The following RPRD1B variants were observed in gnomAD, a reference collection of about 807,000 sequenced individuals.
RPRD1B encodes regulation of nuclear pre-mRNA domain-containing protein 1B.
In RPRD1B, 11 loss-of-function variants were observed where a neutral mutation model predicts 41.5. The observed-to-expected ratio is 0.27, with a 90% CI of 0.17 to 0.44. The LOEUF is 0.44. RPRD1B is among the 20% of genes least tolerant of loss of function. RPRD1B has a pLI of 1.00. For synonymous variants in RPRD1B, 158 were observed against 155.6 expected (o/e 1.02, Z -0.12); for missense variants, 248 against 389.9 (o/e 0.64, Z 3.06).
In RPRD1B at chr20:38,064,813, G is replaced by A. The variant is rs1020385693; in HGVS notation, c.656-1268G>A. ...ATCCTGGCTAACACAGTGAAACCTC[G>A]TCTCTACTAAAAATACAAAAAAATT... On this transcript the variant is annotated intron_variant, in intron 5 of 6. Coordinates refer to ENST00000373433, the MANE Select transcript of RPRD1B (RefSeq NM_021215.4). Among the ~76,000 whole-genome samples, 8 of 152,062 alleles carry A rather than the reference G, an allele frequency of 5.3e-5. No homozygotes were observed. The East Asian group carries it at 7.7e-4, about 15-fold the overall frequency.
intron 6 of RPRD1B, among the ~76,000 whole-genome samples, chr20:38,088,508 T>G (rs2074582923): frequency 6.6e-6 from 1 of 152,014 alleles, no homozygotes; most frequent in Non-Finnish European, 1.5e-5. Context: ...GCTTTCTAAG[T>G]CAGCAGGGGC....
chr20:38,062,565 C>G (rs1392821970), intron 5 of RPRD1B, among the ~76,000 whole-genome samples: 1 of 152,110 alleles, frequency 6.6e-6, no homozygotes, highest in African/African-American at 2.4e-5. Flanking sequence ...CCTCATCATT[C>G]CTGTTGATTG....
At chr20:38,072,865 G>A (rs1370645453) in intron 6 of RPRD1B, among the ~76,000 whole-genome samples, 4 of 152,140 alleles carry the variant, frequency 2.6e-5, no homozygotes, top group Non-Finnish European at 4.4e-5. Flanking sequence ...AGTCACCAGG[G>A]CACAGTCACA....
At chr20:38,037,265 CCTT>C (rs2074013221) in intron 1 of RPRD1B, among the ~76,000 whole-genome samples, 1 of 152,128 alleles carries the variant, frequency 6.6e-6, no homozygotes, top group Non-Finnish European at 1.5e-5. Context: ...GAACGTCTCC[CCTT>C]CTTTATGGAC....
intron 6 of RPRD1B, among the ~76,000 whole-genome samples, chr20:38,079,313 T>G (rs566617543): frequency 6.6e-6 from 1 of 152,164 alleles, no homozygotes; most frequent in African/African-American, 2.4e-5. Flanking sequence ...TTAACATGGG[T>G]ACATTGTGTG....
At chr20:38,051,987 G>T (rs1030824414) in intron 3 of RPRD1B, among the ~76,000 whole-genome samples, 1 of 152,168 alleles carries the variant, frequency 6.6e-6, no homozygotes, top group African/African-American at 2.4e-5. Flanking sequence ...CCAACCTCAG[G>T]TGATCCGCCC....
In RPRD1B at chr20:38,081,130, G is replaced by A. The variant is rs560275210; in HGVS notation, c.832-8596G>A. Among the ~76,000 whole-genome samples, 12 of 152,286 alleles carry A rather than the reference G, an allele frequency of 7.9e-5. No homozygotes were observed. In the East Asian group the frequency reaches 1.7e-3, roughly 22 times the overall value. ...TGTCTTTGGTAGTTTGATAGGAATA[G>A]CATTGAATCTGTACATTGCTTTGGG... On this transcript the variant is annotated intron_variant, in intron 6 of 6. Coordinates refer to ENST00000373433, the MANE Select transcript of RPRD1B (RefSeq NM_021215.4).
intron 3 of RPRD1B, among the ~76,000 whole-genome samples, chr20:38,052,418 G>A (rs916867505): frequency 6.6e-6 from 1 of 152,194 alleles, no homozygotes; most frequent in Non-Finnish European, 1.5e-5. Context: ...TCAGTTCAGT[G>A]AGATGATAAG....
chr20:38,070,270 A>G (rs1418519713), intron 6 of RPRD1B: 7 of 985,296 alleles, frequency 7.1e-6, no homozygotes, highest in African/African-American at 5.2e-5. Context: ...CTTAAACACC[A>G]GGCAAGGGTG....
At chr20:38,068,771 C>T (rs558289876) in intron 6 of RPRD1B, among the ~76,000 whole-genome samples, 2 of 152,318 alleles carry the variant, frequency 1.3e-5, no homozygotes, top group South Asian at 2.1e-4. Context: ...TAGACTGGTC[C>T]TGTCCCATCA....
At chr20:38,057,473 C>CGGGGGGGGCTTCATCTT in intron 3 of RPRD1B, 59 bp from the exon 4 acceptor site, 1 of 1,179,180 alleles carries the variant, frequency 8.5e-7, no homozygotes, top group Non-Finnish European at 1.3e-6. Flanking sequence ...TTGTGCATAG[C>CGGGGGGGGCTTCATCTT]ATGTGACTTA....
At chr20:38,035,978 A>T (rs1600672539) in intron 1 of RPRD1B, among the ~76,000 whole-genome samples, 2 of 151,904 alleles carry the variant, frequency 1.3e-5, no homozygotes, top group African/African-American at 2.4e-5. Context: ...GTTAGCCAGG[A>T]TGGTCTTGAT....
Position 38,034,103 on chromosome 20 carries a change from A to G in RPRD1B, c.151+5A>G, listed in dbSNP as rs372670028. 6.2e-7 allele frequency: 1 copy of G among 1,612,124 alleles called. No individual in the cohort carries two copies. The highest frequency in any genetic ancestry group is 1.3e-5 in the African/African-American group (1 of 74,914). ...GGCACCGCGAGCTCCGCAAAGGTAAACACCAAATCCCCACCCCCTGGACGG... is the reference window on the plus strand; with the variant it reads ...GGCACCGCGAGCTCCGCAAAGGTAAGCACCAAATCCCCACCCCCTGGACGG... On this transcript the variant is annotated splice_donor_5th_base_variant and intron_variant, in intron 1 of 6. Coordinates refer to ENST00000373433, the MANE Select transcript of RPRD1B (RefSeq NM_021215.4).
chr20:38,056,403 TAAAA>T (rs2074241839), intron 3 of RPRD1B, among the ~76,000 whole-genome samples: 1 of 151,496 alleles, frequency 6.6e-6, no homozygotes, highest in African/African-American at 2.4e-5. Context: ...AAAAAAAAAA[TAAAA>T]ATAAAACTCA....
At chr20:38,048,682 C>T (rs1461677926) in intron 3 of RPRD1B, 2 of 763,664 alleles carry the variant, frequency 2.6e-6, no homozygotes, top group Non-Finnish European at 3.2e-6. Flanking sequence ...TATTCATCCT[C>T]TCACACCCTG....
At chr20:38,086,783 C>T (rs891586894) in intron 6 of RPRD1B, among the ~76,000 whole-genome samples, 2 of 152,178 alleles carry the variant, frequency 1.3e-5, no homozygotes, top group Non-Finnish European at 2.9e-5. Flanking sequence ...GGGCAGGATC[C>T]GTCCACTTCC....
intron 3 of RPRD1B, among the ~76,000 whole-genome samples, chr20:38,057,195 G>A (rs1489995132): frequency 1.3e-5 from 2 of 152,110 alleles, no homozygotes; most frequent in African/African-American, 4.8e-5. Context: ...TATCTTCTCT[G>A]TAAACCCTAG....
intron 2 of RPRD1B, 88 bp from the exon 3 acceptor site, chr20:38,048,259 GT>G: frequency 7.6e-7 from 1 of 1,318,350 alleles, no homozygotes; most frequent in Non-Finnish European, 1.0e-6. Flanking sequence ...TTAGTCAGTT[GT>G]TGATTTCTTT....
chr20:38,070,137 T>G, intron 6 of RPRD1B: 1 of 929,478 alleles, frequency 1.1e-6, no homozygotes, highest in Non-Finnish European at 1.3e-6. Flanking sequence ...TCCTTTGTAC[T>G]ACTTTTCTTT....
Sources: gnomAD v4.1 joint callset for allele counts (sites outside exome capture counted in the v4.1 genomes callset) on GRCh38, gnomAD v4.1.1 for gene constraint, MANE v1.5 for transcripts, NCBI Gene and HGNC (gene_info 2026-07-23, HGNC 2026-07-21) for gene names.